BCL11B: variants seen among roughly 807,000 people sequenced by gnomAD.
The protein encoded by BCL11B is BCL11 transcription factor B.
In BCL11B, 8 loss-of-function variants were observed where a neutral mutation model predicts 49.9. That is an observed-to-expected ratio of 0.16 (90% CI 0.09 to 0.29). The LOEUF (loss-of-function observed/expected upper bound fraction) is 0.29. Among genes scored for constraint, BCL11B ranks in the 10% least tolerant of loss-of-function variants. BCL11B has a pLI of 1.00. For synonymous variants in BCL11B, 739 were observed against 637.4 expected (o/e 1.16, Z -2.40); for missense variants, 1,006 against 1,351.0 (o/e 0.74, Z 4.00).
At position 99,176,009 on chromosome 14, in the gene BCL11B, T is replaced by C. The variant is rs768803705; in HGVS notation, c.827A>G (p.Gln276Arg). Residue 276 changes from glutamine (Q) to arginine (R), a missense_variant, in exon 4 of 4, where the codon CAG (glutamine) becomes CGG (arginine). This residue lies in a region of BCL11B where 411 missense variants were observed against 542.2 expected (regional missense o/e 0.76). Coordinates refer to ENST00000357195, the MANE Select transcript of BCL11B (RefSeq NM_138576.4). Reference sequence around the variant, plus strand: ...GCCCAGGAAATTCATGAGCGGGGACTGCGCCACGGCCTCCGGCCCGAGCGG... The same window carrying C: ...GCCCAGGAAATTCATGAGCGGGGACCGCGCCACGGCCTCCGGCCCGAGCGG... ...PPPLGPEAVA[Q>R]SPLMNFLGDS... 2 of 1,549,228 alleles carry C rather than the reference T, an allele frequency of 1.3e-6. No homozygotes were observed. The highest frequency in any genetic ancestry group is 1.7e-6 in the Non-Finnish European group (2 of 1,148,372).
intron 2 of BCL11B, among the ~76,000 whole-genome samples, chr14:99,253,193 G>A (rs1338516925): frequency 2.6e-5 from 4 of 152,224 alleles, no homozygotes; most frequent in South Asian, 4.1e-4. Flanking sequence ...GATTCCACCC[G>A]GGAGATGCCA....
chr14:99,270,192 G>C (rs1016334543), intron 1 of BCL11B, among the ~76,000 whole-genome samples: 3 of 152,186 alleles, frequency 2.0e-5, no homozygotes, highest in African/African-American at 2.4e-5. Flanking sequence ...GCTTGAAATC[G>C]ACACGATTTC....
chr14:99,185,145 T>C (rs1410076719), intron 3 of BCL11B, among the ~76,000 whole-genome samples: 1 of 152,038 alleles, frequency 6.6e-6, no homozygotes, highest in Non-Finnish European at 1.5e-5. Context: ...GCAGCAAAAC[T>C]ACATGATGAG....
Position 99,174,642 on chromosome 14 carries a change from C to A in BCL11B, c.2194G>T (p.Ala732Ser). The A allele has an allele frequency of 1.9e-6, 3 of 1,574,420 alleles. No individual in the cohort carries two copies. The South Asian group carries it at 3.4e-5, about 18-fold the overall frequency. The part of the protein sequence containing the change: ...MKDPFLGFTD[A>S]RQSPFATSSE... ...GACGTGGCGAAGGGCGACTGTCGTG[C>A]GTCCGTGAAGCCCAGGAAGGGGTCC... is the stretch of plus-strand genomic sequence containing the variant. Residue 732 changes from alanine to serine, a missense_variant, in exon 4 of 4, where the codon GCA becomes TCA. Physicochemically the swap from Ala to Ser is moderately conservative, Grantham distance 99. This residue lies in a region of BCL11B where 443 missense variants were observed against 499.7 expected (regional missense o/e 0.89). Transcript: ENST00000357195.
rs555999257 is a variant in BCL11B, at chr14:99,233,778, G to A, written c.428-2221C>T. Among the ~76,000 whole-genome samples, 8 of 152,302 alleles carry A rather than the reference G, an allele frequency of 5.3e-5. No homozygotes were observed. The South Asian group carries it at 1.0e-3, about 20-fold the overall frequency. On this transcript the variant is annotated intron_variant, in intron 2 of 3. Transcript: ENST00000357195. ...CACCACACGTTGTTCCCTGCATAGG[G>A]GTCAGGGGGTAGGCCGCCCTGGACA...
intron 3 of BCL11B, among the ~76,000 whole-genome samples, chr14:99,188,422 C>G (rs1174386734): frequency 6.6e-6 from 1 of 152,232 alleles, no homozygotes; most frequent in Non-Finnish European, 1.5e-5. Context: ...CAGTAACTAA[C>G]CAAGCTTGGG....
At chr14:99,236,501 A>T (rs1271852971) in intron 2 of BCL11B, among the ~76,000 whole-genome samples, 4 of 152,120 alleles carry the variant, frequency 2.6e-5, no homozygotes, top group Non-Finnish European at 5.9e-5. Context: ...TTGAAACTCC[A>T]GTGTGTGAGA....
At chr14:99,240,199 A>C (rs372519127) in intron 2 of BCL11B, among the ~76,000 whole-genome samples, 3 of 152,156 alleles carry the variant, frequency 2.0e-5, no homozygotes, top group East Asian at 1.9e-4. Flanking sequence ...GAAAGAAAGA[A>C]AGGAAGAGAG....
intron 3 of BCL11B, among the ~76,000 whole-genome samples, chr14:99,212,386 C>G (rs966908890): frequency 6.6e-6 from 1 of 152,204 alleles, no homozygotes; most frequent in Non-Finnish European, 1.5e-5. Context: ...GAAACTGAGG[C>G]TCCGAATGCA....
chr14:99,245,751 C>T (rs1039485327), intron 2 of BCL11B, among the ~76,000 whole-genome samples: 1 of 152,174 alleles, frequency 6.6e-6, no homozygotes, highest in Non-Finnish European at 1.5e-5. Context: ...CCCGGGAGAG[C>T]GCCCAAGGGC....
At chr14:99,234,978 C>T (rs1888450074) in intron 2 of BCL11B, among the ~76,000 whole-genome samples, 1 of 151,848 alleles carries the variant, frequency 6.6e-6, no homozygotes, top group Non-Finnish European at 1.5e-5. Context: ...TTTAAGCATT[C>T]CACAGGGGTC....
Position 99,247,961 on chromosome 14 carries a change from G to T in BCL11B, c.427+9510C>A, listed in dbSNP as rs1414575829. ...GAGACAGAGCAGGCGGTCCTGGGCT[G>T]GGGGGCTCACCCTGCCCTTGGCTGC... On this transcript the variant is annotated intron_variant, in intron 2 of 3. Transcript: ENST00000357195. The surrounding 1 kb of genome is among the most constrained non-coding windows in gnomAD (Gnocchi z 4.5). Among the ~76,000 whole-genome samples the T allele has an allele frequency of 6.6e-6, 1 of 152,188 alleles. No homozygotes were observed. The highest frequency in any genetic ancestry group is 1.9e-4 in the East Asian group (1 of 5,184).
chr14:99,174,932 T>TCGC lies in BCL11B; in HGVS notation c.1901_1903dup (p.Gly634dup). On this transcript the variant is annotated inframe_insertion, in exon 4 of 4. Coordinates refer to ENST00000357195, the MANE Select transcript of BCL11B (RefSeq NM_138576.4). ...CCCGCAGCCGCCCGCGTCGTCGTCG[T>TCGC]CGCCCGCGTCCCCGCCGCCCGCCGC... The TCGC allele has an allele frequency of 7.5e-7, 1 of 1,330,534 alleles. No individual in the cohort carries two copies. The highest frequency in any genetic ancestry group is 9.7e-7 in the Non-Finnish European group (1 of 1,036,230). The allele number at this position is 1,330,534 out of a possible 1,614,324, so 82.4% of individuals were successfully genotyped here. A position where few individuals can be genotyped will look rare whatever the true frequency, so the allele number is the denominator to read the frequency against.
Position 99,170,022 on chromosome 14 carries a change from A to G in BCL11B, c.*4129T>C. On this transcript the variant is annotated 3_prime_UTR_variant, in exon 4 of 4. Coordinates refer to ENST00000357195, the MANE Select transcript of BCL11B (RefSeq NM_138576.4). ...GTTTTTTAAACACAAAACAGAAGCAAAATTCTCTCTTCTCTGCAGTCACAG... is the reference window on the plus strand; with the variant it reads ...GTTTTTTAAACACAAAACAGAAGCAGAATTCTCTCTTCTCTGCAGTCACAG... The G allele has an allele frequency of 8.8e-6, 2 of 227,942 alleles. No homozygotes were observed. The highest frequency in any genetic ancestry group is 8.7e-6 in the Non-Finnish European group (1 of 114,410). The allele number at this position is 227,942 out of a possible 1,614,324, so 14.1% of individuals were successfully genotyped here.
At chr14:99,268,141 G>T (rs1889540348) in intron 1 of BCL11B, among the ~76,000 whole-genome samples, 1 of 151,704 alleles carries the variant, frequency 6.6e-6, no homozygotes, top group Admixed American at 6.6e-5. Context: ...CAAACATTTT[G>T]AAGCAAACCA....
At chr14:99,227,781 C>G (rs750709869) in intron 3 of BCL11B, among the ~76,000 whole-genome samples, 3 of 152,176 alleles carry the variant, frequency 2.0e-5, no homozygotes, top group Non-Finnish European at 2.9e-5. Flanking sequence ...CAGTCTGAGG[C>G]TCTTGACCCC....
chr14:99,182,258 A>G (rs1186391291), intron 3 of BCL11B, among the ~76,000 whole-genome samples: 1 of 152,192 alleles, frequency 6.6e-6, no homozygotes, highest in East Asian at 1.9e-4. Context: ...ATGCTGCTCC[A>G]ACAACCCCTG....
rs368662971 is a variant in BCL11B, at chr14:99,233,885, G to C, written c.428-2328C>G. Among the ~76,000 whole-genome samples, 25 of 152,246 alleles carry C rather than the reference G, an allele frequency of 1.6e-4. No homozygotes were observed. In the South Asian group the frequency reaches 5.0e-3, roughly 30 times the overall value. ...GGACCGGCTCAACTGAGGCAGGGGA[G>C]GGGGGCAGCCGGGAGAGGGGCTTCA... On this transcript the variant is annotated intron_variant, in intron 2 of 3. Transcript: ENST00000357195.
chr14:99,239,506 T>A (rs530545838), intron 2 of BCL11B, among the ~76,000 whole-genome samples: 1 of 152,294 alleles, frequency 6.6e-6, no homozygotes, highest in African/African-American at 2.4e-5. Context: ...TCAGATATGT[T>A]CCTATTTCTT....
Sources: gnomAD v4.1 joint callset for allele counts (sites outside exome capture counted in the v4.1 genomes callset) on GRCh38, gnomAD v4.1.1 for gene constraint, gnomAD v4.1.1 regional missense constraint, Gnocchi (gnomAD v3.1) non-coding constraint, MANE v1.5 for transcripts, NCBI Gene and HGNC (gene_info 2026-07-23, HGNC 2026-07-21) for gene names.